IGSF11: variants seen among roughly 807,000 people sequenced by gnomAD.
IGSF11 encodes CXADR like 1.
In IGSF11, 22 loss-of-function variants were observed where a neutral mutation model predicts 41.0. The ratio of observed to expected loss-of-function variants is 0.54; its 90% CI spans 0.38 to 0.77. The LOEUF is 0.77. IGSF11 is among the 30% of genes least tolerant of loss of function. IGSF11 has a pLI of 0.00. For synonymous variants in IGSF11, 219 were observed against 201.3 expected (o/e 1.09, Z -0.74); for missense variants, 444 against 530.8 (o/e 0.84, Z 1.61).
chr3:119,069,149 G>A (rs530758267), intron 1 of IGSF11, among the ~76,000 whole-genome samples: 2 of 151,978 alleles, frequency 1.3e-5, no homozygotes, highest in South Asian at 2.1e-4. Flanking sequence ...AGATGGTCTC[G>A]ATCTCCTGAC....
At chr3:118,998,962 C>T (rs192080268) in intron 1 of IGSF11, among the ~76,000 whole-genome samples, 69 of 152,056 alleles carry the variant, frequency 4.5e-4, no homozygotes, top group Non-Finnish European at 2.9e-4. Context: ...ATGTTACATC[C>T]ATACAATGAA....
chr3:119,100,766 G>A (rs2076926278), intron 1 of IGSF11, among the ~76,000 whole-genome samples: 1 of 152,178 alleles, frequency 6.6e-6, no homozygotes, highest in South Asian at 2.1e-4. Context: ...TGGGTCTTGT[G>A]ATTAGTCAAG....
chr3:118,925,927 G>A (rs955020603), intron 4 of IGSF11, 174 bp downstream of exon 4: 11 of 398,944 alleles, frequency 2.8e-5, no homozygotes, highest in Non-Finnish European at 4.4e-5. Flanking sequence ...GCAATATAGA[G>A]AAGAGAGAGA....
intron 1 of IGSF11, among the ~76,000 whole-genome samples, chr3:119,132,378 CAAAAAAAAAAAAAAAA>C (rs58700219): frequency 7.5e-5 from 3 of 39,784 alleles, no homozygotes; most frequent in Admixed American, 8.3e-4. Flanking sequence ...AAACAGAAAG[CAAAAAAAAAAAAAAAA>C]AAAAAAAAAA....
intron 1 of IGSF11, among the ~76,000 whole-genome samples, chr3:119,029,289 A>G (rs1940166958): frequency 6.6e-6 from 1 of 151,552 alleles, no homozygotes. Flanking sequence ...AGAGAGAGAG[A>G]GAATGCGAGA....
chr3:118,974,317 A>G (rs978619074), intron 1 of IGSF11, among the ~76,000 whole-genome samples: 1 of 152,204 alleles, frequency 6.6e-6, no homozygotes, highest in African/African-American at 2.4e-5. Context: ...GGTGGACACA[A>G]GTAAGTTGAA....
rs767516463 is a variant in IGSF11, at chr3:118,926,203, C to T, written c.478G>A (p.Asp160Asn). The change falls in exon 4 of 7, where the codon GAT (aspartate) becomes AAT (asparagine). Residue 160 changes from aspartate (D) to asparagine (N), a missense_variant. Around this residue, in one of 3 missense-constraint regions of IGSF11, gnomAD observed 193 missense variants for 283.5 expected, o/e 0.68. Coordinates refer to ENST00000393775, the MANE Select transcript of IGSF11 (RefSeq NM_001015887.3). ...TCTGAGCTACAGAGCAGGATGACAT[C>T]GCTGCCAATATCCTGGGATCCTTGG... Reference protein sequence around the residue: ...QIQGSQDIGSDVILLCSSEEG... With the variant: ...QIQGSQDIGSNVILLCSSEEG... 3.7e-6 allele frequency: 6 copies of T among 1,611,004 alleles called. No homozygotes were observed. The East Asian group carries it at 6.7e-5, about 18-fold the overall frequency.
intron 6 of IGSF11, 87 bp downstream of exon 6, chr3:118,904,561 G>T: frequency 1.0e-6 from 1 of 955,878 alleles, no homozygotes; most frequent in Non-Finnish European, 1.6e-6. Context: ...AGAGTTTTAT[G>T]ATTAGTAGAT....
chr3:118,919,618 T>C (rs1941540811), intron 4 of IGSF11, among the ~76,000 whole-genome samples: 1 of 8,330 alleles, frequency 1.2e-4, no homozygotes, highest in Non-Finnish European at 2.1e-4. Context: ...CAACAGGTGC[T>C]GGAGAGGATG....
At chr3:119,082,415 A>G (rs1021083556) in intron 1 of IGSF11, among the ~76,000 whole-genome samples, 2 of 152,190 alleles carry the variant, frequency 1.3e-5, no homozygotes, top group African/African-American at 4.8e-5. Context: ...GGTAAACAAA[A>G]CAATAGTTTA....
intron 1 of IGSF11, among the ~76,000 whole-genome samples, chr3:119,067,420 C>T (rs1942266354): frequency 6.6e-6 from 1 of 152,174 alleles, no homozygotes; most frequent in African/African-American, 2.4e-5. Flanking sequence ...CCACCTTCAG[C>T]CTCTTGCCTC....
chr3:118,986,185 C>T (rs374667873), intron 1 of IGSF11, among the ~76,000 whole-genome samples: 2 of 152,260 alleles, frequency 1.3e-5, no homozygotes, highest in East Asian at 3.9e-4. Flanking sequence ...ACCTCCCTGA[C>T]TTTGTGCCAC....
chr3:119,121,480 A>G (rs2107530041), intron 1 of IGSF11, among the ~76,000 whole-genome samples: 1 of 152,314 alleles, frequency 6.6e-6, no homozygotes, highest in African/African-American at 2.4e-5. Context: ...GAATTATCAA[A>G]TTTAAAGATA....
intron 4 of IGSF11, among the ~76,000 whole-genome samples, chr3:118,920,899 C>T (rs1431429494): frequency 1.3e-5 from 2 of 152,106 alleles, no homozygotes; most frequent in Non-Finnish European, 2.9e-5. Context: ...TTAAATTCTC[C>T]ACCTTGCTGG....
chr3:118,948,468 C>A (rs910441081), intron 1 of IGSF11: 3 of 152,054 alleles, frequency 2.0e-5, no homozygotes, highest in Non-Finnish European at 2.9e-5. Flanking sequence ...ATTACAGAAT[C>A]CTTAACTTGA....
In IGSF11 at chr3:119,046,090, T is replaced by C. The variant is rs1273015133; in HGVS notation, c.49+59054A>G. Among the ~76,000 whole-genome samples, 3 of 151,642 alleles carry C rather than the reference T, an allele frequency of 2.0e-5. No individual in the cohort carries two copies. In the East Asian group the frequency reaches 5.8e-4, roughly 29 times the overall value. On this transcript the variant is annotated intron_variant, in intron 1 of 6. Coordinates refer to the IGSF11 transcript ENST00000354673. ...GAAACTCTAAAAATCAGAGCGCCTC[T>C]CCACCTCCAAAGGAACGCAGCTCCT... is the stretch of plus-strand genomic sequence containing the variant.
At chr3:118,978,102 G>C (rs914540292) in intron 1 of IGSF11, among the ~76,000 whole-genome samples, 8 of 152,202 alleles carry the variant, frequency 5.3e-5, no homozygotes, top group Non-Finnish European at 5.9e-5. Flanking sequence ...AGCTTTCTCT[G>C]ATAGCAGGTC....
intron 1 of IGSF11, among the ~76,000 whole-genome samples, chr3:119,029,088 A>G (rs1940112536): frequency 6.6e-6 from 1 of 152,026 alleles, no homozygotes; most frequent in South Asian, 2.1e-4. Context: ...TACCACCTAT[A>G]TTAGTAAACC....
chr3:119,082,290 A>AT (rs1448295993), intron 1 of IGSF11, among the ~76,000 whole-genome samples: 3 of 152,218 alleles, frequency 2.0e-5, no homozygotes, highest in African/African-American at 7.2e-5. Flanking sequence ...CATATACTTC[A>AT]TGCCATAATA....
Sources: gnomAD v4.1 joint callset for allele counts (sites outside exome capture counted in the v4.1 genomes callset) on GRCh38, gnomAD v4.1.1 for gene constraint, gnomAD v4.1.1 regional missense constraint, MANE v1.5 for transcripts, NCBI Gene and HGNC (gene_info 2026-07-23, HGNC 2026-07-21) for gene names.